Variants in WT1 observed in about 807,000 individuals in gnomAD.
WT1 encodes the protein WT1 transcription factor, also known as Wilms tumor protein.
Under a neutral mutation model 60.8 loss-of-function variants are expected in WT1, and 8 were observed. That is an observed-to-expected ratio of 0.13 (90% CI 0.08 to 0.24). WT1 has a LOEUF of 0.24. Ranked by LOEUF, WT1 falls within the 10% of genes least tolerant of loss-of-function variation. The pLI, the probability that WT1 is intolerant of heterozygous loss-of-function variation, is 1.00. For synonymous variants in WT1, 312 were observed against 297.1 expected (o/e 1.05, Z -0.52); for missense variants, 568 against 711.8 (o/e 0.80, Z 2.30).
intron 5 of WT1, among the ~76,000 whole-genome samples, chr11:32,413,612 G>C (rs1852570881): frequency 6.6e-6 from 1 of 152,142 alleles, no homozygotes; most frequent in African/African-American, 2.4e-5. Flanking sequence ...CACATCAGTG[G>C]GTTGTAAAAT....
chr11:32,428,171 T>C, intron 2 of WT1, 113 bp from the exon 3 acceptor site: 1 of 1,052,384 alleles, frequency 9.5e-7, no homozygotes, highest in Non-Finnish European at 1.4e-6. Flanking sequence ...CACTGGGGCC[T>C]GGATGAGCGG....
chr11:32,399,201 T>C (rs551684460), intron 6 of WT1, among the ~76,000 whole-genome samples: 2 of 150,048 alleles, frequency 1.3e-5, no homozygotes, highest in African/African-American at 2.4e-5. Context: ...CGGTGATTAT[T>C]GGGAAGAGAA....
At chr11:32,408,663 A>G (rs181834838) in intron 5 of WT1, among the ~76,000 whole-genome samples, 2 of 152,124 alleles carry the variant, frequency 1.3e-5, no homozygotes, top group African/African-American at 4.8e-5. Context: ...ACCAAGTTTA[A>G]AAGACTGTAA....
Position 32,428,041 on chromosome 11 carries a change from C to T in WT1, c.802G>A (p.Val268Met), listed in dbSNP as rs1456557634. ...TGGCAGCCATAGACCGGGGGCGGCA[C>T]CGAGTACTGCTGCTCACCTGCAGAG... Residue 268 changes from valine to methionine, a missense_variant, in exon 3 of 10, where the codon GTG (valine) becomes ATG (methionine). Val to Met is a conservative substitution (Grantham distance 21). Transcript: ENST00000452863. 1 of 1,607,680 alleles carries T rather than the reference C, an allele frequency of 6.2e-7. No individual in the cohort carries two copies. The highest frequency in any genetic ancestry group is 8.5e-7 in the Non-Finnish European group (1 of 1,176,304).
At position 32,428,517 on chromosome 11, in the gene WT1, A is replaced by G; in HGVS notation, c.764T>C (p.Met255Thr). The change falls in exon 2 of 10, where the codon ATG (methionine) becomes ACG (threonine). Residue 255 changes from methionine to threonine, a missense_variant. Physicochemically the swap from Met to Thr is moderately conservative, Grantham distance 81 (BLOSUM62 -1). Transcript: ENST00000452863. ...CTTACCCAGCGAGCCCTGCTGGCCCATGGGATCCTCATGCTTGAATGAGTG... is the reference window on the plus strand; with the variant it reads ...CTTACCCAGCGAGCCCTGCTGGCCCGTGGGATCCTCATGCTTGAATGAGTG... 1 of 1,614,144 alleles carries G rather than the reference A, an allele frequency of 6.2e-7. No homozygotes were observed. Among genetic ancestry groups the G allele is most frequent in the Non-Finnish European group, 8.5e-7 (1 of 1,180,024 alleles).
intron 3 of WT1, among the ~76,000 whole-genome samples, chr11:32,420,633 C>T (rs1852824540): frequency 6.6e-6 from 1 of 152,118 alleles, no homozygotes; most frequent in African/African-American, 2.4e-5. Flanking sequence ...TCACTCTGCC[C>T]TGCCCCTATG....
chr11:32,394,522 A>C (rs1438244705), intron 7 of WT1, among the ~76,000 whole-genome samples: 1 of 152,200 alleles, frequency 6.6e-6, no homozygotes, highest in African/African-American at 2.4e-5. Context: ...CTCTTTGAGA[A>C]GGAGGATTAT....
intron 6 of WT1, among the ~76,000 whole-genome samples, chr11:32,398,073 G>A (rs1852027410): frequency 6.6e-6 from 1 of 152,162 alleles, no homozygotes; most frequent in Admixed American, 6.5e-5. Flanking sequence ...GTATTCGTCA[G>A]GGGAGAGGCT....
intron 3 of WT1, among the ~76,000 whole-genome samples, chr11:32,422,700 T>A (rs1852894689): frequency 6.6e-6 from 1 of 152,190 alleles, no homozygotes; most frequent in Non-Finnish European, 1.5e-5. Context: ...TGTAACAGGC[T>A]CCACTGTCAA....
In WT1 at chr11:32,416,559, T is replaced by A. The variant is rs1488183155; in HGVS notation, c.966-19A>T. The A allele has an allele frequency of 8.1e-6, 13 of 1,613,764 alleles. No individual in the cohort carries two copies. The highest frequency in any genetic ancestry group is 1.0e-5 in the Non-Finnish European group (12 of 1,179,956). On this transcript the variant is annotated intron_variant, in intron 4 of 9. Coordinates refer to ENST00000452863, the MANE Select transcript of WT1 (RefSeq NM_024426.6). ...AGCAACTCTAGAAAAGAAGAAGAGG[T>A]GGGGAGTGGGGAATGGAGCATGCAT...
Position 32,389,069 on chromosome 11 carries a change from G to T in WT1, c.1558C>A (p.Leu520Met), listed in dbSNP as rs2132897270. ...CCGAGGGAGACCCCTCAAAGCGCCA[G>T]CTGGAGTTTGGTCATGTTTCTCTGA... Residue 520 changes from leucine (L) to methionine (M), a missense_variant, in exon 10 of 10, where the codon CTG (leucine) becomes ATG (methionine). Coordinates refer to ENST00000452863, the MANE Select transcript of WT1 (RefSeq NM_024426.6). 1 of 1,614,248 alleles carries T rather than the reference G, an allele frequency of 6.2e-7. No individual in the cohort carries two copies. The highest frequency in any genetic ancestry group is 8.5e-7 in the Non-Finnish European group (1 of 1,180,036).
At chr11:32,389,813 G>C (rs925680136) in intron 9 of WT1, among the ~76,000 whole-genome samples, 1 of 152,046 alleles carries the variant, frequency 6.6e-6, no homozygotes, top group Non-Finnish European at 1.5e-5. Flanking sequence ...GTGGTTCTTA[G>C]ATTTTTAATA....
chr11:32,426,339 C>T (rs1853035484), intron 3 of WT1, among the ~76,000 whole-genome samples: 1 of 152,216 alleles, frequency 6.6e-6, no homozygotes, highest in Non-Finnish European at 1.5e-5. Context: ...ACTAGAATAA[C>T]AGCAATGACA....
chr11:32,424,956 T>C (rs946241530), intron 3 of WT1, among the ~76,000 whole-genome samples: 7 of 152,096 alleles, frequency 4.6e-5, no homozygotes, highest in African/African-American at 1.7e-4. Flanking sequence ...GGTGGGCAGA[T>C]TACCTGAGAT....
chr11:32,432,889 C>A (rs1853360082), intron 1 of WT1, among the ~76,000 whole-genome samples: 1 of 152,218 alleles, frequency 6.6e-6, no homozygotes, highest in Non-Finnish European at 1.5e-5. Flanking sequence ...TATTTTGTGC[C>A]CCAGGGGCAT....
chr11:32,398,744 T>C (rs1000222820), intron 6 of WT1, among the ~76,000 whole-genome samples: 3 of 151,290 alleles, frequency 2.0e-5, no homozygotes, highest in African/African-American at 7.3e-5. Context: ...GTATTGCAGA[T>C]GAAATGAAGG....
intron 7 of WT1, among the ~76,000 whole-genome samples, chr11:32,395,608 C>T (rs534070894): frequency 6.6e-6 from 1 of 151,868 alleles, no homozygotes; most frequent in Non-Finnish European, 1.5e-5. Context: ...AGTACAGGTG[C>T]GTGCCACCAC....
At chr11:32,429,561 C>T (rs566300993) in intron 1 of WT1, among the ~76,000 whole-genome samples, 77 of 151,574 alleles carry the variant, frequency 5.1e-4, no homozygotes, top group African/African-American at 1.8e-3. Flanking sequence ...ACTTATACCC[C>T]ACAAGCTTCT....
intron 5 of WT1, among the ~76,000 whole-genome samples, chr11:32,402,546 A>G (rs1036396466): frequency 1.3e-5 from 2 of 152,130 alleles, no homozygotes; most frequent in Admixed American, 1.3e-4. Context: ...TGTGACTTAC[A>G]CATTTTCTTT....
Sources: gnomAD v4.1 joint callset for allele counts (sites outside exome capture counted in the v4.1 genomes callset) on GRCh38, gnomAD v4.1.1 for gene constraint, MANE v1.5 for transcripts, NCBI Gene and HGNC (gene_info 2026-07-23, HGNC 2026-07-21) for gene names.